Variants in CRMP1 observed in about 807,000 individuals in gnomAD.
The protein encoded by CRMP1 is dihydropyrimidinase-related protein 1.
A neutral mutation model predicts 68.3 loss-of-function variants in CRMP1; 19 were observed. That is an observed-to-expected ratio of 0.28 (90% CI 0.19 to 0.41). CRMP1 has a LOEUF of 0.41. Ranked by LOEUF, CRMP1 falls within the 10% of genes least tolerant of loss-of-function variation. CRMP1 has a pLI of 1.00. For synonymous variants in CRMP1, 439 were observed against 399.6 expected (o/e 1.10, Z -1.18); for missense variants, 791 against 967.4 (o/e 0.82, Z 2.42).
At chr4:5,849,249 T>C in intron 6 of CRMP1, 143 bp downstream of exon 6, 1 of 649,640 alleles carries the variant, frequency 1.5e-6, no homozygotes. Flanking sequence ...TTCATTCATA[T>C]CTGATGTGTC....
chr4:5,881,165 G>A lies in CRMP1; in HGVS notation c.381+11424C>T, dbSNP rs1431778357. ...GACACAGGCCCAAGGAAGGAGTGGG[G>A]AACTACAACCTCATATATCCACAAA... On this transcript the variant is annotated intron_variant, in intron 1 of 13. Coordinates refer to ENST00000324989, the MANE Select transcript of CRMP1 (RefSeq NM_001014809.3). The surrounding 1 kb of genome is among the most constrained non-coding windows in gnomAD (Gnocchi z 4.6). 6.6e-6 allele frequency among the ~76,000 whole-genome samples: 1 copy of A among 152,324 alleles called. No individual in the cohort carries two copies. Among genetic ancestry groups the A allele is most frequent in the Middle Eastern group, 3.4e-3 (1 of 294 alleles).
At chr4:5,847,131 A>G (rs915690890) in intron 6 of CRMP1, among the ~76,000 whole-genome samples, 5 of 152,192 alleles carry the variant, frequency 3.3e-5, no homozygotes, top group African/African-American at 9.7e-5. Context: ...CCATGAACCA[A>G]TAACTCCTTG....
chr4:5,889,903 C>T lies in CRMP1; in HGVS notation c.381+2686G>A. ...AGAAGCCAGCTCAGTATCCCAGGAACACTAGGCATAATTTTCCCATTTTAC... is the reference window on the plus strand; with the variant it reads ...AGAAGCCAGCTCAGTATCCCAGGAATACTAGGCATAATTTTCCCATTTTAC... On this transcript the variant is annotated intron_variant, in intron 1 of 13. Coordinates refer to ENST00000324989, the MANE Select transcript of CRMP1 (RefSeq NM_001014809.3). The surrounding 1 kb of genome is among the most constrained non-coding windows in gnomAD (Gnocchi z 4.5). 1 of 1,404,078 alleles carries T rather than the reference C, an allele frequency of 7.1e-7. No homozygotes were observed. The highest frequency in any genetic ancestry group is 9.3e-7 in the Non-Finnish European group (1 of 1,080,236). The allele number at this position is 1,404,078 out of a possible 1,614,324, so 87.0% of individuals were successfully genotyped here. A position where few individuals can be genotyped will look rare whatever the true frequency, so the allele number is the denominator to read the frequency against.
intron 1 of CRMP1, among the ~76,000 whole-genome samples, chr4:5,884,795 C>G (rs1715463872): frequency 1.3e-5 from 2 of 152,072 alleles, no homozygotes; most frequent in Non-Finnish European, 2.9e-5. Flanking sequence ...TCATGGTGGA[C>G]ACTCTTTACT....
intron 1 of CRMP1, among the ~76,000 whole-genome samples, chr4:5,867,399 G>A (rs1445665388): frequency 6.6e-6 from 1 of 152,118 alleles, no homozygotes; most frequent in African/African-American, 2.4e-5. Flanking sequence ...TTGTAGAACA[G>A]GGAGTTATCA....
At position 5,860,629 on chromosome 4, in the gene CRMP1, A is replaced by AT. The variant is rs34073650; in HGVS notation, c.655+396dup. Among the ~76,000 whole-genome samples, 4,133 of 145,960 alleles carry AT rather than the reference A, an allele frequency of 0.028. 164 individuals carry two copies. The highest frequency in any genetic ancestry group is 0.094 in the African/African-American group (3,738 of 39,766). On this transcript the variant is annotated intron_variant, in intron 3 of 13. Coordinates refer to ENST00000324989, the MANE Select transcript of CRMP1 (RefSeq NM_001014809.3). This position sits in a 1 kb window ranked among gnomAD's most constrained non-coding sequence, Gnocchi z 4.2. ...AGCCATCTTCACATCATGTTGAAGG[A>AT]TTTTTTTTTTTTTTGCTTTATCTCC...
At position 5,841,281 on chromosome 4, in the gene CRMP1, C is replaced by G; in HGVS notation, c.1153+27G>C. The G allele has an allele frequency of 6.2e-7, 1 of 1,613,768 alleles. No individual in the cohort carries two copies. On this transcript the variant is annotated intron_variant, in intron 8 of 13. Transcript: ENST00000324989. This position sits in a 1 kb window ranked among gnomAD's most constrained non-coding sequence, Gnocchi z 6.9. ...ACCCCCTTCCAGGCCCCAGCTGCCC[C>G]CAGAAGGCCCAGGGCCGGCTGCATA... is the stretch of plus-strand genomic sequence containing the variant.
chr4:5,826,133 C>G (rs570666393), intron 12 of CRMP1: 1 of 174,418 alleles, frequency 5.7e-6, no homozygotes, highest in Admixed American at 6.5e-5. Flanking sequence ...TACACACACG[C>G]ATACTCATAC....
chr4:5,890,816 C>A lies in CRMP1; in HGVS notation c.381+1773G>T, dbSNP rs1481880965. On this transcript the variant is annotated intron_variant, in intron 1 of 13. Coordinates refer to ENST00000324989, the MANE Select transcript of CRMP1 (RefSeq NM_001014809.3). This position sits in a 1 kb window ranked among gnomAD's most constrained non-coding sequence, Gnocchi z 5.5. ...GGCGTTGGTGACATTGACCGCAGTTCCAGAGGAACTCTCCTTGGGACAGCT... is the reference window on the plus strand; with the variant it reads ...GGCGTTGGTGACATTGACCGCAGTTACAGAGGAACTCTCCTTGGGACAGCT... Among the ~76,000 whole-genome samples, 1 of 152,120 alleles carries A rather than the reference C, an allele frequency of 6.6e-6. No individual in the cohort carries two copies. The highest frequency in any genetic ancestry group is 1.9e-4 in the East Asian group (1 of 5,148).
rs962073457 is a variant in CRMP1 at position 5,834,143 on chromosome 4, G to A, written c.1623+1772C>T. On this transcript the variant is annotated intron_variant, in intron 11 of 13. Coordinates refer to ENST00000324989, the MANE Select transcript of CRMP1 (RefSeq NM_001014809.3). The surrounding 1 kb of genome is among the most constrained non-coding windows in gnomAD (Gnocchi z 4.3). Reference sequence around the variant, plus strand: ...TTGACTGGCTGACACAGACATTCACGTTCCTTTCTAGATAAGGATCACCTT... The same window carrying A: ...TTGACTGGCTGACACAGACATTCACATTCCTTTCTAGATAAGGATCACCTT... 6.6e-6 allele frequency among the ~76,000 whole-genome samples: 1 copy of A among 152,190 alleles called. No individual in the cohort carries two copies. Among genetic ancestry groups the A allele is most frequent in the Non-Finnish European group, 1.5e-5 (1 of 68,036 alleles).
rs965023747 is a variant in CRMP1 at position 5,890,067 on chromosome 4, C to T, written c.381+2522G>A. ...CATTTCCCTCCACGCATTCATGCAT[C>T]CCTGGCTCTCAGCGGGGCCTAAAAT... On this transcript the variant is annotated intron_variant, in intron 1 of 13. Coordinates refer to ENST00000324989, the MANE Select transcript of CRMP1 (RefSeq NM_001014809.3). This position sits in a 1 kb window ranked among gnomAD's most constrained non-coding sequence, Gnocchi z 5.5. 2.1e-5 allele frequency: 9 copies of T among 428,666 alleles called. 1 individual carries two copies. The highest frequency in any genetic ancestry group is 1.6e-4 in the African/African-American group (8 of 48,654). The allele number at this position is 428,666 out of a possible 1,614,324, so 26.6% of individuals were successfully genotyped here. A position where few individuals can be genotyped will look rare whatever the true frequency, so the allele number is the denominator to read the frequency against.
Position 5,870,672 on chromosome 4 carries a change from C to A in CRMP1, c.382-3916G>T, listed in dbSNP as rs554158661. 6.6e-6 allele frequency among the ~76,000 whole-genome samples: 1 copy of A among 152,192 alleles called. No homozygotes were observed. The highest frequency in any genetic ancestry group is 2.4e-5 in the African/African-American group (1 of 41,452). ...AAGACCAGTGTGAAGAGGCACATCC[C>A]GTTCTTCAGCAGGAGGGTCTCTGGA... On this transcript the variant is annotated intron_variant, in intron 1 of 13. Coordinates refer to ENST00000324989, the MANE Select transcript of CRMP1 (RefSeq NM_001014809.3). This position sits in a 1 kb window ranked among gnomAD's most constrained non-coding sequence, Gnocchi z 6.0.
intron 4 of CRMP1, among the ~76,000 whole-genome samples, chr4:5,852,691 AGAC>A (rs1018568039): frequency 6.6e-6 from 1 of 152,356 alleles, no homozygotes; most frequent in Admixed American, 6.5e-5. Flanking sequence ...ACTGTGAGTA[AGAC>A]GACAAGTCCC....
chr4:5,873,212 T>C (rs1157159639), intron 1 of CRMP1, among the ~76,000 whole-genome samples: 1 of 152,172 alleles, frequency 6.6e-6, no homozygotes, highest in African/African-American at 2.4e-5. Flanking sequence ...CCACAGAGCA[T>C]GGAGGCAGCC....
In CRMP1 at chr4:5,841,402, GGC is replaced by G; in HGVS notation, c.1057_1058del (p.Ala353HisfsTer138). 6.2e-7 allele frequency: 1 copy of G among 1,614,172 alleles called. No individual in the cohort carries two copies. The highest frequency in any genetic ancestry group is 8.5e-7 in the Non-Finnish European group (1 of 1,180,032). On this transcript the variant is annotated frameshift_variant, in exon 8 of 14. Transcript: ENST00000324989. LOFTEE classifies it high-confidence loss of function. The surrounding 1 kb of genome is among the most constrained non-coding windows in gnomAD (Gnocchi z 6.9). ...AGTTGATCCGGCCCGCAATGGTGAT[GGC>G]CCGGAACACCGCCTCGGCCTCCAGC... ...EELEAEAVFRAITIAGRINCP... is the reference protein window; with the variant it reads ...EELEAEAVFRXITIAGRINCP...
At position 5,888,223 on chromosome 4, in the gene CRMP1, C is replaced by A; in HGVS notation, c.381+4366G>T. 1 of 1,272,196 alleles carries A rather than the reference C, an allele frequency of 7.9e-7. No homozygotes were observed. Among genetic ancestry groups the A allele is most frequent in the East Asian group, 3.1e-5 (1 of 32,578 alleles). 78.8% of individuals were successfully genotyped at this position (1,272,196 alleles called of 1,614,324 possible). On this transcript the variant is annotated intron_variant, in intron 1 of 13. Transcript: ENST00000324989. The surrounding 1 kb of genome is among the most constrained non-coding windows in gnomAD (Gnocchi z 6.4). ...CGCGGGGCGGCGGGGGCGGGGGCCG[C>A]TTACCGTGATGTGCGGGATGCTCTT...
intron 6 of CRMP1, among the ~76,000 whole-genome samples, 163 bp downstream of exon 6, chr4:5,849,229 G>A (rs1312363066): frequency 6.6e-6 from 1 of 152,194 alleles, no homozygotes; most frequent in Non-Finnish European, 1.5e-5. Flanking sequence ...ACCTAGGTTT[G>A]CAAAGCATTT....
chr4:5,840,413 A>T (rs778741199), intron 8 of CRMP1, among the ~76,000 whole-genome samples: 1 of 152,162 alleles, frequency 6.6e-6, no homozygotes, highest in Non-Finnish European at 1.5e-5. Flanking sequence ...AGGGCAAGAG[A>T]TGTGGCCCGA....
intron 1 of CRMP1, among the ~76,000 whole-genome samples, chr4:5,867,794 C>T (rs961701790): frequency 2.0e-5 from 3 of 152,066 alleles, no homozygotes; most frequent in African/African-American, 7.2e-5. Context: ...GCAGAGAAAG[C>T]GCAGACCCAG....
Sources: gnomAD v4.1 joint callset for allele counts (sites outside exome capture counted in the v4.1 genomes callset) on GRCh38, gnomAD v4.1.1 for gene constraint, Gnocchi (gnomAD v3.1) non-coding constraint, MANE v1.5 for transcripts, NCBI Gene and HGNC (gene_info 2026-07-23, HGNC 2026-07-21) for gene names.